Variants in WASHC2C observed in about 807,000 individuals in gnomAD.
The protein encoded by WASHC2C is Vaccinia Penetration Factor.
WASHC2C carries 73 observed loss-of-function variants against 142.2 expected under a neutral mutation model. The ratio of observed to expected loss-of-function variants is 0.51; its 90% CI spans 0.43 to 0.62. The LOEUF (loss-of-function observed/expected upper bound fraction) is 0.62. Ranked by LOEUF, WASHC2C falls within the 20% of genes least tolerant of loss-of-function variation. The pLI is 0.00. For missense variants in WASHC2C, 969 were observed against 1,531.7 expected (o/e 0.63, Z 6.13); for synonymous variants, 337 against 565.5 (o/e 0.60, Z 5.73).
chr10:45,763,057 G>T (rs1289272331), intron 17 of WASHC2C, among the ~76,000 whole-genome samples: 3 of 152,120 alleles, frequency 2.0e-5, no homozygotes, highest in South Asian at 4.2e-4. Flanking sequence ...GGGAAGCCAT[G>T]CTTATATATT....
chr10:45,755,208 A>T (rs1295456981), intron 15 of WASHC2C, 93 bp downstream of exon 15: 2 of 1,524,388 alleles, frequency 1.3e-6, no homozygotes, highest in Non-Finnish European at 1.8e-6. Flanking sequence ...TATCTCTTAC[A>T]GTGCCAGAAT....
chr10:45,765,052 A>G (rs1420489202), intron 18 of WASHC2C, among the ~76,000 whole-genome samples: 1 of 151,794 alleles, frequency 6.6e-6, no homozygotes, highest in Non-Finnish European at 1.5e-5. Context: ...CTTAATAAAT[A>G]TAACTTTTGG....
At chr10:45,742,997 C>T (rs1173324580) in intron 5 of WASHC2C, among the ~76,000 whole-genome samples, 1 of 151,664 alleles carries the variant, frequency 6.6e-6, no homozygotes, top group Admixed American at 6.6e-5. Context: ...GCCTCAGCCT[C>T]CCGAGTAGCT....
chr10:45,727,234 G>C, upstream of WASHC2C: 1 of 1,522,218 alleles, frequency 6.6e-7, no homozygotes, highest in Non-Finnish European at 8.8e-7. Flanking sequence ...GCCCCGGGCA[G>C]CTTGGCTGGG....
intron 2 of WASHC2C, among the ~76,000 whole-genome samples, chr10:45,727,816 G>A (rs1021408504): frequency 4.6e-5 from 7 of 152,142 alleles, no homozygotes; most frequent in African/African-American, 1.7e-4. Flanking sequence ...CACACTGAGG[G>A]ATTGCTCGGG....
At chr10:45,782,445 A>G (rs1554888294) in intron 23 of WASHC2C, among the ~76,000 whole-genome samples, 1 of 151,834 alleles carries the variant, frequency 6.6e-6, no homozygotes, top group Non-Finnish European at 1.5e-5. Flanking sequence ...TAAAAAAAAA[A>G]AAAAAAAGGG....
At chr10:45,754,607 T>C in intron 14 of WASHC2C, 62 bp downstream of exon 14, 1 of 1,429,844 alleles carries the variant, frequency 7.0e-7, no homozygotes, top group East Asian at 2.5e-5. Flanking sequence ...CATTTCAAAA[T>C]TATCATCTTC....
chr10:45,730,929 A>G (rs1369133271), intron 3 of WASHC2C, among the ~76,000 whole-genome samples: 5 of 151,338 alleles, frequency 3.3e-5, no homozygotes, highest in African/African-American at 1.2e-4. Context: ...AGGGAAGTTT[A>G]CTTTGTACCC....
At chr10:45,759,072 A>G (rs2054713915) in intron 16 of WASHC2C, among the ~76,000 whole-genome samples, 1 of 140,206 alleles carries the variant, frequency 7.1e-6, no homozygotes, top group Non-Finnish European at 1.6e-5. Flanking sequence ...CTCATTGCAT[A>G]TGTCCCATCT....
intron 18 of WASHC2C, among the ~76,000 whole-genome samples, chr10:45,765,465 G>C (rs2055683263): frequency 6.7e-6 from 1 of 148,882 alleles, no homozygotes; most frequent in Non-Finnish European, 1.5e-5. Context: ...CAGCTGTTCT[G>C]CCTTCGAGTT....
chr10:45,736,732 G>A (rs1405591723), intron 3 of WASHC2C, among the ~76,000 whole-genome samples: 1 of 152,214 alleles, frequency 6.6e-6, no homozygotes, highest in Non-Finnish European at 1.5e-5. Flanking sequence ...CAAGGATCAG[G>A]TTGGGGATAG....
At chr10:45,759,102 CTG>C (rs1439817787) in intron 16 of WASHC2C, among the ~76,000 whole-genome samples, 3 of 132,814 alleles carry the variant, frequency 2.3e-5, no homozygotes, top group African/African-American at 8.5e-5. Flanking sequence ...TTGACCCAGA[CTG>C]TGTGTCCTGC....
At chr10:45,748,909 C>T (rs551636310) in intron 8 of WASHC2C, among the ~76,000 whole-genome samples, 1 of 152,160 alleles carries the variant, frequency 6.6e-6, no homozygotes, top group Non-Finnish European at 1.5e-5. Flanking sequence ...CATTCCAAGT[C>T]TGTTTCTTTG....
In WASHC2C at chr10:45,792,237, T is replaced by C. The variant is rs1267190128; in HGVS notation, c.3887-24T>C. The stretch of plus-strand genomic sequence containing the variant: ...CCTTTCTCCACCCCTCTTCAGCAAC[T>C]GTTTTTCTTTTTTCTTTCTAAAGAT... On this transcript the variant is annotated intron_variant, in intron 30 of 30. Transcript: ENST00000623400. The C allele has an allele frequency of 5.8e-5, 90 of 1,563,408 alleles. 11 individuals carry two copies. Among genetic ancestry groups the C allele is most frequent in the South Asian group, 3.4e-4 (30 of 88,494 alleles).
intron 20 of WASHC2C, chr10:45,771,786 A>T (rs2056611914): frequency 5.7e-6 from 1 of 175,160 alleles, no homozygotes; most frequent in Non-Finnish European, 1.1e-5. Flanking sequence ...TGGAACCCTC[A>T]TACACTGCTG....
At position 45,750,738 on chromosome 10, in the gene WASHC2C, T is replaced by A. The variant is rs1554873937; in HGVS notation, c.844-13T>A. 9 of 1,547,144 alleles carry A rather than the reference T, an allele frequency of 5.8e-6. No homozygotes were observed. The East Asian group carries it at 2.0e-4, about 34-fold the overall frequency. ...TTACAAAAAAGCGATTCTTTTGATT[T>A]CTCCTGCTGTAGAAAAGAAGCAGAC... On this transcript the variant is annotated splice_polypyrimidine_tract_variant and intron_variant, in intron 9 of 30. Coordinates refer to ENST00000623400, the MANE Select transcript of WASHC2C (RefSeq NM_001330074.2).
upstream of WASHC2C, chr10:45,727,049 G>T: frequency 1.2e-5 from 14 of 1,148,348 alleles, no homozygotes; most frequent in Non-Finnish European, 1.6e-5. Flanking sequence ...CGCCCAACCC[G>T]CCTCTGCAGC....
At chr10:45,754,683 G>T (rs1320491582) in intron 14 of WASHC2C, 138 bp downstream of exon 14, 32 of 985,474 alleles carry the variant, frequency 3.2e-5, no homozygotes, top group Non-Finnish European at 4.6e-5. Flanking sequence ...CTTATAGAAA[G>T]AGCTCATTTA....
At chr10:45,762,930 A>G (rs1169716899) in intron 17 of WASHC2C, among the ~76,000 whole-genome samples, 1 of 152,238 alleles carries the variant, frequency 6.6e-6, no homozygotes, top group African/African-American at 2.4e-5. Flanking sequence ...GAAGTAAGTC[A>G]TAATCTTAGG....
Sources: allele counts gnomAD v4.1 joint callset (sites outside exome capture counted in the v4.1 genomes callset), GRCh38; gene constraint gnomAD v4.1.1; transcripts MANE v1.5; gene names NCBI Gene and HGNC (gene_info 2026-07-23, HGNC 2026-07-21).